Variants in RALGPS1 observed in about 807,000 individuals in gnomAD.
The protein encoded by RALGPS1 is ras-specific guanine nucleotide-releasing factor RalGPS1.
In RALGPS1, 19 loss-of-function variants were observed where a neutral mutation model predicts 78.8. The observed-to-expected ratio is 0.24, with a 90% CI of 0.17 to 0.35. The LOEUF (loss-of-function observed/expected upper bound fraction) is 0.35, where lower values mean the gene tolerates loss of function less well. RALGPS1 is among the 10% of genes least tolerant of loss of function. The pLI is 1.00. For synonymous variants in RALGPS1, 228 were observed against 256.3 expected (o/e 0.89, Z 1.06); for missense variants, 454 against 688.3 (o/e 0.66, Z 3.81).
At chr9:127,191,918 T>C (rs569688323) in intron 11 of RALGPS1, among the ~76,000 whole-genome samples, 27 of 152,218 alleles carry the variant, frequency 1.8e-4, no homozygotes, top group Middle Eastern at 3.4e-3. Flanking sequence ...AGGATGGTCT[T>C]GATCTCCTGA....
At chr9:127,180,009 A>G (rs1353417007) in intron 11 of RALGPS1, among the ~76,000 whole-genome samples, 1 of 152,142 alleles carries the variant, frequency 6.6e-6, no homozygotes, top group East Asian at 1.9e-4. Context: ...CCACACCAAC[A>G]AATAGGCTGT....
chr9:127,029,982 C>CT (rs1162837252), intron 4 of RALGPS1, among the ~76,000 whole-genome samples: 7 of 152,324 alleles, frequency 4.6e-5, no homozygotes, highest in African/African-American at 1.7e-4. Flanking sequence ...GGTATTAAGA[C>CT]TAAGTTTTTT....
chr9:126,945,381 G>A (rs1358818603), intron 1 of RALGPS1, among the ~76,000 whole-genome samples: 2 of 152,038 alleles, frequency 1.3e-5, no homozygotes, highest in Admixed American at 1.3e-4. Context: ...TGTATTTTTA[G>A]TAGAGACGGG....
At chr9:127,027,041 G>A (rs996224999) in intron 4 of RALGPS1, among the ~76,000 whole-genome samples, 4 of 152,114 alleles carry the variant, frequency 2.6e-5, no homozygotes, top group African/African-American at 9.7e-5. Flanking sequence ...TCTGAGCCAG[G>A]AGCCTTTCTG....
At chr9:126,957,821 C>A (rs537537550) in intron 1 of RALGPS1, among the ~76,000 whole-genome samples, 1 of 152,046 alleles carries the variant, frequency 6.6e-6, no homozygotes, top group Admixed American at 6.5e-5. Flanking sequence ...ACTAGACATT[C>A]CTCAAAGTTT....
At position 126,962,221 on chromosome 9, in the gene RALGPS1, G is replaced by T; in HGVS notation, c.-65-4G>T. 2.6e-6 allele frequency: 4 copies of T among 1,536,180 alleles called. No homozygotes were observed. The highest frequency in any genetic ancestry group is 3.6e-6 in the Non-Finnish European group (4 of 1,113,452). The stretch of plus-strand genomic sequence containing the variant: ...TGATTTTTATGAGCCCCTTTGCCTT[G>T]CAGGACTTCTCCAGACAGGTTATGT... On this transcript the variant is annotated splice_region_variant and splice_polypyrimidine_tract_variant and intron_variant, in intron 1 of 18. Transcript: ENST00000259351.
intron 4 of RALGPS1, among the ~76,000 whole-genome samples, chr9:126,998,041 ATGTT>A (rs1223971998): frequency 2.0e-5 from 3 of 152,242 alleles, no homozygotes; most frequent in Non-Finnish European, 2.9e-5. Context: ...AAAGACTTAA[ATGTT>A]AGACCTAAAA....
intron 3 of RALGPS1, among the ~76,000 whole-genome samples, chr9:126,976,884 TGATGCTTCCTGTTACTGTCACCA>T (rs1230725452): frequency 6.6e-6 from 1 of 152,244 alleles, no homozygotes; most frequent in African/African-American, 2.4e-5. Flanking sequence ...ATGGTCAGCA[TGATGCTTCCTGTTACTGTCACCA>T]GATGAGGTTC....
intron 8 of RALGPS1, among the ~76,000 whole-genome samples, chr9:127,138,808 C>T (rs575543417): frequency 6.6e-6 from 1 of 152,154 alleles, no homozygotes; most frequent in Admixed American, 6.5e-5. Flanking sequence ...CAGGAAAAGC[C>T]TGATGTGACA....
chr9:127,092,773 T>G, intron 8 of RALGPS1, among the ~76,000 whole-genome samples: 1 of 148,918 alleles, frequency 6.7e-6, no homozygotes, highest in Non-Finnish European at 1.5e-5. Context: ...AAAGGAGGAG[T>G]CTCCCGCTCC....
intron 1 of RALGPS1, among the ~76,000 whole-genome samples, chr9:126,942,139 C>T (rs1013173926): frequency 6.6e-6 from 1 of 152,198 alleles, no homozygotes; most frequent in African/African-American, 2.4e-5. Context: ...GTTAATTCAT[C>T]ATCTGTCATG....
At chr9:127,155,514 C>T (rs990455451) in intron 8 of RALGPS1, among the ~76,000 whole-genome samples, 14 of 152,066 alleles carry the variant, frequency 9.2e-5, no homozygotes, top group African/African-American at 2.9e-4. Flanking sequence ...TCACATGAGA[C>T]GTGGAGGAAG....
intron 8 of RALGPS1, among the ~76,000 whole-genome samples, chr9:127,111,845 C>G (rs2054846126): frequency 6.6e-6 from 1 of 152,214 alleles, no homozygotes; most frequent in African/African-American, 2.4e-5. Context: ...GGATTGGAAC[C>G]TGCTAACTCT....
chr9:127,093,976 C>CCATGGA, intron 8 of RALGPS1: 1 of 1,578,840 alleles, frequency 6.3e-7, no homozygotes, highest in South Asian at 1.1e-5. Flanking sequence ...GTCACCAGGC[C>CCATGGA]GCACCCCCAG....
intron 8 of RALGPS1, among the ~76,000 whole-genome samples, chr9:127,141,360 T>A (rs2057760122): frequency 6.6e-6 from 1 of 152,118 alleles, no homozygotes; most frequent in Non-Finnish European, 1.5e-5. Flanking sequence ...TCAAATATTT[T>A]AAGTTTTAAA....
chr9:127,025,198 C>T (rs1014993538), intron 4 of RALGPS1, among the ~76,000 whole-genome samples: 2 of 152,122 alleles, frequency 1.3e-5, no homozygotes, highest in African/African-American at 2.4e-5. Context: ...TGTTGACATT[C>T]GTGTACGCTG....
chr9:127,114,659 A>G (rs556036194), intron 8 of RALGPS1, among the ~76,000 whole-genome samples: 1 of 152,324 alleles, frequency 6.6e-6, no homozygotes, highest in East Asian at 1.9e-4. Flanking sequence ...AGCACTGCCC[A>G]TTGGTCTGTG....
chr9:127,094,148 C>G (rs2136512339), intron 8 of RALGPS1, among the ~76,000 whole-genome samples: 1 of 152,250 alleles, frequency 6.6e-6, no homozygotes, highest in African/African-American at 2.4e-5. Flanking sequence ...CTCACTTTCT[C>G]CTCTCACCCG....
intron 3 of RALGPS1, among the ~76,000 whole-genome samples, chr9:126,970,656 A>G (rs150868795): frequency 7.2e-5 from 11 of 152,174 alleles, no homozygotes; most frequent in African/African-American, 2.6e-4. Flanking sequence ...AGAGAGAGAA[A>G]TCTCAAGAAA....
Sources: allele counts gnomAD v4.1 joint callset (sites outside exome capture counted in the v4.1 genomes callset), GRCh38; gene constraint gnomAD v4.1.1; transcripts MANE v1.5; gene names NCBI Gene and HGNC (gene_info 2026-07-23, HGNC 2026-07-21).